The following CACNA1C variants were observed in gnomAD, a reference collection of about 807,000 sequenced individuals.
CACNA1C encodes the protein calcium voltage-gated channel subunit alpha1 C.
In CACNA1C, 30 loss-of-function variants were observed where a neutral mutation model predicts 229.0. The ratio of observed to expected loss-of-function variants is 0.13; its 90% CI spans 0.10 to 0.18. CACNA1C has a LOEUF of 0.18. CACNA1C is among the 10% of genes least tolerant of loss of function. The pLI, the probability that CACNA1C is intolerant of heterozygous loss-of-function variation, is 1.00. For synonymous variants in CACNA1C, 1,114 were observed against 1,132.5 expected (o/e 0.98, Z 0.33); for missense variants, 1,658 against 2,845.0 (o/e 0.58, Z 9.49).
chr12:2,345,031 G>C (rs540197796), intron 3 of CACNA1C, among the ~76,000 whole-genome samples: 3 of 148,708 alleles, frequency 2.0e-5, no homozygotes, highest in African/African-American at 7.5e-5. Context: ...ATGAAGCTGG[G>C]AACCATACTA....
In CACNA1C at chr12:2,512,746, G is replaced by T; in HGVS notation, c.1218-66G>T. ...TATCTCCATCTCTCCTTCCATCCTC[G>T]ACCCTTCTCGGTGCTCCCTCCTTCT... On this transcript the variant is annotated intron_variant, in intron 8 of 46. Transcript: ENST00000399655. The surrounding 1 kb of genome is among the most constrained non-coding windows in gnomAD (Gnocchi z 4.3). The T allele has an allele frequency of 8.0e-7, 1 of 1,244,180 alleles. No individual in the cohort carries two copies. Among genetic ancestry groups the T allele is most frequent in the South Asian group, 1.6e-5 (1 of 62,138 alleles). 77.1% of individuals were successfully genotyped at this position (1,244,180 alleles called of 1,614,324 possible). A position where few individuals can be genotyped will look rare whatever the true frequency, so the allele number is the denominator to read the frequency against.
intron 3 of CACNA1C, among the ~76,000 whole-genome samples, chr12:2,253,364 T>C (rs1340842356): frequency 2.0e-5 from 3 of 152,238 alleles, no homozygotes; most frequent in African/African-American, 7.2e-5. Flanking sequence ...ACTTCTTAAT[T>C]GGTTCTGAGT....
At chr12:2,005,971 AC>A (rs1409934732) in intron 1 of CACNA1C, among the ~76,000 whole-genome samples, 1 of 152,258 alleles carries the variant, frequency 6.6e-6, no homozygotes, top group African/African-American at 2.4e-5. Flanking sequence ...TACATTATCT[AC>A]ATATGAGGCC....
At chr12:2,312,073 C>T (rs2095465818) in intron 3 of CACNA1C, among the ~76,000 whole-genome samples, 1 of 152,168 alleles carries the variant, frequency 6.6e-6, no homozygotes, top group African/African-American at 2.4e-5. Flanking sequence ...TGGGAACAGG[C>T]CCACACAATG....
chr12:2,169,537 C>T (rs58482789), intron 3 of CACNA1C, among the ~76,000 whole-genome samples: 9 of 152,168 alleles, frequency 5.9e-5, no homozygotes, highest in Non-Finnish European at 1.2e-4. Flanking sequence ...AGCTTGTAGA[C>T]ATGGTGTACC....
At chr12:2,129,327 G>A (rs966735193) in intron 3 of CACNA1C, among the ~76,000 whole-genome samples, 10 of 152,206 alleles carry the variant, frequency 6.6e-5, no homozygotes, top group Non-Finnish European at 1.2e-4. Flanking sequence ...CCCGCAGAGA[G>A]CCTGGGGCAA....
intron 9 of CACNA1C, among the ~76,000 whole-genome samples, chr12:2,519,390 T>G (rs1375786198): frequency 6.6e-6 from 1 of 152,222 alleles, no homozygotes; most frequent in Non-Finnish European, 1.5e-5. Context: ...ACACTGCCCC[T>G]GGACTGAGTT....
Position 2,332,997 on chromosome 12 carries a change from G to A in CACNA1C, c.478-115979G>A, listed in dbSNP as rs2096593174. 2.6e-5 allele frequency among the ~76,000 whole-genome samples: 4 copies of A among 152,246 alleles called. No individual in the cohort carries two copies. In the South Asian group the frequency reaches 8.3e-4, roughly 32 times the overall value. ...CTGAGTCTTTCTGTGACTGTGTGAC[G>A]ACAGTGTCTGAACAGTTATCCCTCC... is the stretch of plus-strand genomic sequence containing the variant. On this transcript the variant is annotated intron_variant, in intron 3 of 46. Transcript: ENST00000399655.
At chr12:2,640,568 G>A (rs777596245) in intron 30 of CACNA1C, among the ~76,000 whole-genome samples, 1 of 152,208 alleles carries the variant, frequency 6.6e-6, no homozygotes, top group Non-Finnish European at 1.5e-5. Context: ...TTGCCCAGTT[G>A]GCATCTGCAT....
chr12:2,536,543 G>T (rs948620228), intron 9 of CACNA1C, among the ~76,000 whole-genome samples: 1 of 152,178 alleles, frequency 6.6e-6, no homozygotes, highest in African/African-American at 2.4e-5. Flanking sequence ...ACAATGAAGG[G>T]CTAGGTGGGG....
chr12:2,506,651 G>C (rs1054849005), intron 8 of CACNA1C, among the ~76,000 whole-genome samples: 1 of 152,196 alleles, frequency 6.6e-6, no homozygotes, highest in Non-Finnish European at 1.5e-5. Context: ...AAGATGAGGA[G>C]CGTGAGCCCA....
intron 3 of CACNA1C, among the ~76,000 whole-genome samples, chr12:2,401,776 C>G (rs563724167): frequency 1.3e-5 from 2 of 152,338 alleles, no homozygotes; most frequent in Non-Finnish European, 2.9e-5. Context: ...TGATTACGTG[C>G]CTGGCAGCTA....
At chr12:2,326,383 G>A (rs2096293018) in intron 3 of CACNA1C, among the ~76,000 whole-genome samples, 1 of 152,150 alleles carries the variant, frequency 6.6e-6, no homozygotes, top group South Asian at 2.1e-4. Context: ...TAGGGCCCTA[G>A]GAATATGCAT....
intron 21 of CACNA1C, among the ~76,000 whole-genome samples, chr12:2,600,653 C>T (rs564652830): frequency 1.3e-5 from 2 of 152,214 alleles, no homozygotes; most frequent in African/African-American, 4.8e-5. Context: ...ACCTGCAGTG[C>T]GCAGCTTTAC....
At chr12:2,192,331 C>T (rs1021412297) in intron 3 of CACNA1C, among the ~76,000 whole-genome samples, 9 of 152,310 alleles carry the variant, frequency 5.9e-5, no homozygotes, top group Admixed American at 1.3e-4. Context: ...TAACACCCAC[C>T]GCCCCCTGTT....
chr12:2,380,683 G>A (rs770067700), intron 3 of CACNA1C, among the ~76,000 whole-genome samples: 2 of 152,198 alleles, frequency 1.3e-5, no homozygotes, highest in Non-Finnish European at 2.9e-5. Context: ...AGGCTGGCAC[G>A]AAAGGGCTCT....
At chr12:2,282,589 A>T (rs191886092) in intron 3 of CACNA1C, among the ~76,000 whole-genome samples, 4 of 152,258 alleles carry the variant, frequency 2.6e-5, no homozygotes, top group Admixed American at 1.3e-4. Flanking sequence ...CTCACAGCTC[A>T]TGGGATCAGA....
intron 3 of CACNA1C, among the ~76,000 whole-genome samples, chr12:2,154,286 G>A (rs1282345681): frequency 6.6e-6 from 1 of 152,192 alleles, no homozygotes; most frequent in African/African-American, 2.4e-5. Context: ...GGAGGGACAG[G>A]GGATGGTACA....
At chr12:2,249,729 C>T (rs373331693) in intron 3 of CACNA1C, among the ~76,000 whole-genome samples, 77 of 151,388 alleles carry the variant, frequency 5.1e-4, no homozygotes, top group African/African-American at 7.8e-4. Flanking sequence ...AGGGCTCACT[C>T]GGCCGGTGGC....
Sources: gnomAD v4.1 joint callset for allele counts (sites outside exome capture counted in the v4.1 genomes callset) on GRCh38, gnomAD v4.1.1 for gene constraint, Gnocchi (gnomAD v3.1) non-coding constraint, MANE v1.5 for transcripts, NCBI Gene and HGNC (gene_info 2026-07-23, HGNC 2026-07-21) for gene names.